FUT9: variants seen among roughly 807,000 people sequenced by gnomAD.
FUT9 encodes fucosyltransferase 9, also known as 4-galactosyl-N-acetylglucosaminide 3-alpha-L-fucosyltransferase 9.
Under a neutral mutation model 29.7 loss-of-function variants are expected in FUT9, and 15 were observed. The observed-to-expected ratio is 0.51, with a 90% CI of 0.34 to 0.78. FUT9 has a LOEUF of 0.78. Among genes scored for constraint, FUT9 ranks in the 30% least tolerant of loss-of-function variants. FUT9 has a pLI of 0.01. For missense variants in FUT9, 319 were observed against 425.4 expected, an observed-to-expected ratio of 0.75 and a Z score of 2.20; for synonymous variants, 169 against 153.7, an observed-to-expected ratio of 1.10 and a Z score of -0.74.
intron 2 of FUT9, among the ~76,000 whole-genome samples, chr6:96,130,590 C>T (rs1386769348): frequency 6.6e-6 from 1 of 152,122 alleles, no homozygotes; most frequent in Non-Finnish European, 1.5e-5. Context: ...CTTTCAAGCA[C>T]TTTGATCATT....
intron 1 of FUT9, among the ~76,000 whole-genome samples, chr6:96,108,399 G>GCATCA (rs1461455122): frequency 1.3e-5 from 2 of 152,064 alleles, no homozygotes; most frequent in African/African-American, 2.4e-5. Flanking sequence ...ACCTCTCTGT[G>GCATCA]CATCACATTT....
chr6:96,082,607 T>C (rs1771254652), intron 1 of FUT9, among the ~76,000 whole-genome samples: 1 of 151,936 alleles, frequency 6.6e-6, no homozygotes, highest in Non-Finnish European at 1.5e-5. Context: ...GCTAGTGTTG[T>C]CCCTTATTTA....
intron 1 of FUT9, among the ~76,000 whole-genome samples, chr6:96,044,404 A>T (rs886771100): frequency 1.3e-5 from 2 of 152,250 alleles, no homozygotes; most frequent in African/African-American, 4.8e-5. Flanking sequence ...GAGGGGAAAT[A>T]TTCCAAAAAT....
intron 1 of FUT9, among the ~76,000 whole-genome samples, chr6:96,027,242 A>G (rs148763828): frequency 9.0e-4 from 136 of 151,798 alleles, no homozygotes; most frequent in African/African-American, 3.1e-3. Context: ...AATTAAATGT[A>G]AGACTTTGGT....
chr6:96,189,045 G>C (rs1773456922), intron 2 of FUT9, among the ~76,000 whole-genome samples: 1 of 152,120 alleles, frequency 6.6e-6, no homozygotes, highest in Non-Finnish European at 1.5e-5. Context: ...ATGACACGTG[G>C]TACTATAAAA....
rs1002536084 is a variant in FUT9, at chr6:96,099,622, A to G, written c.-97-14417A>G. 4.6e-5 allele frequency among the ~76,000 whole-genome samples: 7 copies of G among 152,306 alleles called. No homozygotes were observed. In the South Asian group the frequency reaches 8.3e-4, roughly 18 times the overall value. On this transcript the variant is annotated intron_variant, in intron 1 of 2. Coordinates refer to ENST00000302103, the MANE Select transcript of FUT9 (RefSeq NM_006581.4). ...CCTGAATATTTATGCAATCTTCTAT[A>G]TAAAATTTACTTCAGACTTTCTGCT...
Position 96,205,278 on chromosome 6 carries a change from A to G in FUT9, c.*1043A>G, listed in dbSNP as rs1773807492. 1 of 167,036 alleles carries G rather than the reference A, an allele frequency of 6.0e-6. No individual in the cohort carries two copies. Among genetic ancestry groups the G allele is most frequent in the Non-Finnish European group, 1.5e-5 (1 of 68,096 alleles). 10.3% of individuals were successfully genotyped at this position (167,036 alleles called of 1,614,324 possible). On this transcript the variant is annotated 3_prime_UTR_variant, in exon 3 of 3. Coordinates refer to ENST00000302103, the MANE Select transcript of FUT9 (RefSeq NM_006581.4). ...AATTATCATCAAGGTATTAAATATA[A>G]GACGTTAAATATAATAAAGTGGGGA...
chr6:96,195,654 G>A (rs1357004360), intron 2 of FUT9, among the ~76,000 whole-genome samples: 8 of 152,166 alleles, frequency 5.3e-5, no homozygotes, highest in African/African-American at 1.9e-4. Flanking sequence ...CTTTGAGACA[G>A]AATATAATTT....
chr6:96,101,182 T>A (rs998863307), intron 1 of FUT9, among the ~76,000 whole-genome samples: 1 of 152,212 alleles, frequency 6.6e-6, no homozygotes, highest in Non-Finnish European at 1.5e-5. Flanking sequence ...GGCATGTTTG[T>A]GTGGGTGTCT....
chr6:96,092,090 C>A (rs1450236556), intron 1 of FUT9, among the ~76,000 whole-genome samples: 6 of 151,928 alleles, frequency 3.9e-5, no homozygotes, highest in Non-Finnish European at 8.8e-5. Context: ...GGGTGTATCC[C>A]AAATGGACAA....
At chr6:96,133,966 A>G (rs1014030005) in intron 2 of FUT9, among the ~76,000 whole-genome samples, 2 of 151,790 alleles carry the variant, frequency 1.3e-5, no homozygotes, top group Non-Finnish European at 3.0e-5. Context: ...TAATTTTTTT[A>G]ATGATTTCAA....
chr6:96,056,408 A>G (rs1295344817), intron 1 of FUT9, among the ~76,000 whole-genome samples: 1 of 152,228 alleles, frequency 6.6e-6, no homozygotes, highest in Non-Finnish European at 1.5e-5. Flanking sequence ...ACAAACAGGC[A>G]TATCTGCTTT....
intron 2 of FUT9, among the ~76,000 whole-genome samples, chr6:96,199,437 G>C (rs933649304): frequency 1.3e-5 from 2 of 152,064 alleles, no homozygotes; most frequent in Admixed American, 6.6e-5. Context: ...TGAGCAGAGA[G>C]TTAAGAAGGA....
intron 1 of FUT9, among the ~76,000 whole-genome samples, chr6:96,051,725 A>C (rs1770674177): frequency 6.6e-6 from 1 of 152,058 alleles, no homozygotes. Flanking sequence ...GCAAATCAAT[A>C]TTATATATTA....
chr6:96,149,855 C>T (rs1468216324), intron 2 of FUT9, among the ~76,000 whole-genome samples: 1 of 152,038 alleles, frequency 6.6e-6, no homozygotes, highest in Non-Finnish European at 1.5e-5. Context: ...AGGAACATTT[C>T]AATTCCACTC....
At chr6:96,174,291 G>C (rs904181093) in intron 2 of FUT9, among the ~76,000 whole-genome samples, 1 of 152,018 alleles carries the variant, frequency 6.6e-6, no homozygotes, top group Admixed American at 6.6e-5. Context: ...AAGAAACTTA[G>C]ATTATTATTA....
At chr6:96,071,448 TATA>T (rs1218586451) in intron 1 of FUT9, among the ~76,000 whole-genome samples, 2 of 152,206 alleles carry the variant, frequency 1.3e-5, no homozygotes, top group Non-Finnish European at 2.9e-5. Flanking sequence ...TTTGCCCAGA[TATA>T]ATAACTATTA....
chr6:96,141,294 T>A (rs112778047), intron 2 of FUT9, among the ~76,000 whole-genome samples: 258 of 152,336 alleles, frequency 1.7e-3, no homozygotes, highest in Middle Eastern at 6.8e-3. Flanking sequence ...GGAATACTAC[T>A]AGTTATCAGA....
chr6:96,041,722 G>C (rs990257832), intron 1 of FUT9, among the ~76,000 whole-genome samples: 3 of 152,094 alleles, frequency 2.0e-5, no homozygotes, highest in Non-Finnish European at 2.9e-5. Context: ...ATTTTCCCTT[G>C]TTGAATTTCT....
Sources: allele counts gnomAD v4.1 joint callset (sites outside exome capture counted in the v4.1 genomes callset), GRCh38; gene constraint gnomAD v4.1.1; transcripts MANE v1.5; gene names NCBI Gene and HGNC (gene_info 2026-07-23, HGNC 2026-07-21).